ZNF679: variants seen among roughly 807,000 people sequenced by gnomAD.
ZNF679 encodes the protein hypothetical protein MGC42415.
In ZNF679, 10 loss-of-function variants were observed where a neutral mutation model predicts 13.4. That is an observed-to-expected ratio of 0.75 (90% confidence interval 0.46 to 1.27). The LOEUF (loss-of-function observed/expected upper bound fraction) is 1.27. Among genes scored for constraint, ZNF679 ranks in the 50% most tolerant of loss-of-function variants. The probability of loss-of-function intolerance (pLI) is 0.00; values close to 1 mark genes in which losing one functional copy is unlikely to be tolerated. For missense variants in ZNF679, 525 were observed against 477.8 expected (o/e 1.10, Z -0.92); for synonymous variants, 179 against 162.5 (o/e 1.10, Z -0.77).
At chr7:64,253,182 C>T (rs1787964344) in intron 2 of ZNF679, among the ~76,000 whole-genome samples, 1 of 152,152 alleles carries the variant, frequency 6.6e-6, no homozygotes, top group Non-Finnish European at 1.5e-5. Context: ...TCTCATTGAG[C>T]TATAAAATAT....
In ZNF679 at chr7:64,260,222, G is replaced by C; in HGVS notation, c.41G>C (p.Gly14Ala). ...TTTGTTGTTGTTATTGTTTTTCAGG[G>C]ACTGTTGACATTCAGAGATGTAGTC... ...RPGSPGSREM[G>A]LLTFRDVVIE... The change falls in exon 3 of 5, where the codon GGA becomes GCA. Residue 14 changes from glycine (G) to alanine (A), a missense_variant and splice_region_variant. Physicochemically the swap from Gly to Ala is moderately conservative, Grantham distance 60 (BLOSUM62 0). Coordinates refer to ENST00000421025, the MANE Select transcript of ZNF679 (RefSeq NM_153363.3). 3 of 1,600,568 alleles carry C rather than the reference G, an allele frequency of 1.9e-6. No homozygotes were observed. Among genetic ancestry groups the C allele is most frequent in the Non-Finnish European group, 1.7e-6 (2 of 1,176,150 alleles).
rs1309481524 is a variant in ZNF679, at chr7:64,236,933, GA to G, written c.-91+8284del. Among the ~76,000 whole-genome samples, 5 of 32,274 alleles carry G rather than the reference GA, an allele frequency of 1.5e-4. No individual in the cohort carries two copies. The South Asian group carries it at 2.7e-3, about 18-fold the overall frequency. The allele number at this position is 32,274 out of a possible 152,430, so 21.2% of individuals were successfully genotyped here. A position where few individuals can be genotyped will look rare whatever the true frequency, so the allele number is the denominator to read the frequency against. Reference sequence around the variant, plus strand: ...AAGAAAGAAAGAAAGAAGAAAGAAAGAAAGAAAGAAAGAAAGAAAGAAAGAA... The same window carrying G: ...AAGAAAGAAAGAAAGAAGAAAGAAAGAAGAAAGAAAGAAAGAAAGAAAGAA... On this transcript the variant is annotated intron_variant, in intron 1 of 4. Coordinates refer to ENST00000421025, the MANE Select transcript of ZNF679 (RefSeq NM_153363.3).
chr7:64,244,038 T>A (rs1048090840), intron 1 of ZNF679, among the ~76,000 whole-genome samples: 1 of 151,972 alleles, frequency 6.6e-6, no homozygotes, highest in African/African-American at 2.4e-5. Flanking sequence ...GATCATGAGG[T>A]CAGGAGTTCC....
intron 2 of ZNF679, among the ~76,000 whole-genome samples, chr7:64,258,350 A>T (rs1018600458): frequency 6.6e-6 from 1 of 152,130 alleles, no homozygotes; most frequent in African/African-American, 2.4e-5. Context: ...AATACATTTC[A>T]GAGAAAGAGG....
chr7:64,242,947 T>C (rs1210836704), intron 1 of ZNF679, among the ~76,000 whole-genome samples: 1 of 152,112 alleles, frequency 6.6e-6, no homozygotes, highest in African/African-American at 2.4e-5. Context: ...GGATGGCCAA[T>C]ATTCTAACTG....
intron 4 of ZNF679, among the ~76,000 whole-genome samples, chr7:64,261,495 C>A (rs1788076830): frequency 6.6e-6 from 1 of 151,688 alleles, no homozygotes; most frequent in Non-Finnish European, 1.5e-5. Flanking sequence ...AAGCAGGATA[C>A]CTCTTATGTC....
intron 2 of ZNF679, among the ~76,000 whole-genome samples, 170 bp from the exon 3 acceptor site, chr7:64,260,051 G>A (rs1788054513): frequency 1.3e-5 from 2 of 152,178 alleles, no homozygotes; most frequent in African/African-American, 4.8e-5. Context: ...GAGAGTTAGA[G>A]AATACTTCAG....
intron 1 of ZNF679, among the ~76,000 whole-genome samples, chr7:64,234,300 A>T (rs1340981949): frequency 6.6e-6 from 1 of 152,230 alleles, no homozygotes; most frequent in Non-Finnish European, 1.5e-5. Context: ...AACAGTGCAA[A>T]GGCAAACCTC....
chr7:64,250,304 C>T (rs1787930229), intron 2 of ZNF679, among the ~76,000 whole-genome samples: 1 of 106,460 alleles, frequency 9.4e-6, no homozygotes, highest in South Asian at 3.3e-4. Flanking sequence ...GATTCTTGCT[C>T]TGTTGCTCAG....
chr7:64,252,254 G>C (rs1406213279), intron 2 of ZNF679, among the ~76,000 whole-genome samples: 2 of 152,146 alleles, frequency 1.3e-5, no homozygotes, highest in African/African-American at 4.8e-5. Flanking sequence ...AATCAGCACT[G>C]CCACTCCCTG....
intron 1 of ZNF679, among the ~76,000 whole-genome samples, chr7:64,236,851 A>C (rs1343202217): frequency 6.7e-6 from 1 of 148,936 alleles, no homozygotes; most frequent in Non-Finnish European, 1.5e-5. Context: ...AGAAAGAAAC[A>C]AAAGAAAGAA....
At chr7:64,258,892 TG>T (rs1788039617) in intron 2 of ZNF679, among the ~76,000 whole-genome samples, 2 of 141,614 alleles carry the variant, frequency 1.4e-5, no homozygotes, top group African/African-American at 5.1e-5. Context: ...CTTTTTTTGT[TG>T]TTTTTGTTTT....
intron 2 of ZNF679, among the ~76,000 whole-genome samples, chr7:64,259,202 G>A (rs185831203): frequency 1.2e-4 from 19 of 152,180 alleles, no homozygotes; most frequent in African/African-American, 2.4e-4. Context: ...GTGAGCTACC[G>A]TGCCTGGCCA....
At chr7:64,246,771 G>A (rs1242813186) in intron 1 of ZNF679, among the ~76,000 whole-genome samples, 1 of 150,806 alleles carries the variant, frequency 6.6e-6, no homozygotes, top group African/African-American at 2.4e-5. Context: ...AGGAAGGAAG[G>A]AGGGAAGGAA....
intron 1 of ZNF679, among the ~76,000 whole-genome samples, chr7:64,237,565 T>C (rs1400452567): frequency 6.6e-6 from 1 of 152,228 alleles, no homozygotes. Flanking sequence ...GTGATGTCTT[T>C]CTTTTTAGAC....
intron 1 of ZNF679, among the ~76,000 whole-genome samples, chr7:64,238,491 G>A (rs370661198): frequency 3.9e-5 from 6 of 152,174 alleles, no homozygotes; most frequent in East Asian, 3.9e-4. Context: ...GGGTTCAAGC[G>A]ATTCTCCTGC....
chr7:64,258,517 A>G (rs1393189033), intron 2 of ZNF679, among the ~76,000 whole-genome samples: 2 of 151,814 alleles, frequency 1.3e-5, no homozygotes, highest in Non-Finnish European at 2.9e-5. Flanking sequence ...CCTGACCAAC[A>G]TGGTGAAAGT....
chr7:64,245,335 G>C lies in ZNF679; in HGVS notation c.-90-3693G>C, dbSNP rs144110210. 6.1e-3 allele frequency among the ~76,000 whole-genome samples: 933 copies of C among 152,012 alleles called. 5 individuals carry two copies. The highest frequency in any genetic ancestry group is 0.011 in the Non-Finnish European group (724 of 67,976). On this transcript the variant is annotated intron_variant, in intron 1 of 4. Coordinates refer to ENST00000421025, the MANE Select transcript of ZNF679 (RefSeq NM_153363.3). ...GTCACCATGCCCGGCCTGTTTCAGGGACTTCTGACCAGAAGTTTCAACATG... is the reference window on the plus strand; with the variant it reads ...GTCACCATGCCCGGCCTGTTTCAGGCACTTCTGACCAGAAGTTTCAACATG...
At chr7:64,245,712 A>G (rs899565413) in intron 1 of ZNF679, among the ~76,000 whole-genome samples, 23 of 152,282 alleles carry the variant, frequency 1.5e-4, no homozygotes, top group African/African-American at 5.3e-4. Context: ...AAGGCAGATT[A>G]ATCCAAAGAC....
Sources: allele counts gnomAD v4.1 joint callset (sites outside exome capture counted in the v4.1 genomes callset), GRCh38; gene constraint gnomAD v4.1.1; transcripts MANE v1.5; gene names NCBI Gene and HGNC (gene_info 2026-07-23, HGNC 2026-07-21).